The following SNTG1 variants were observed in gnomAD, a reference collection of about 807,000 sequenced individuals.
SNTG1 encodes the protein syntrophin gamma 1.
A neutral mutation model predicts 74.7 loss-of-function variants in SNTG1; 39 were observed. The ratio of observed to expected loss-of-function variants is 0.52; its 90% CI spans 0.40 to 0.68. SNTG1 has a LOEUF of 0.68. Among genes scored for constraint, SNTG1 ranks in the 30% least tolerant of loss-of-function variants. The pLI is 0.00. For synonymous variants in SNTG1, 254 were observed against 217.1 expected, an observed-to-expected ratio of 1.17 and a Z score of -1.49; for missense variants, 685 against 609.5, an observed-to-expected ratio of 1.12 and a Z score of -1.30.
At chr8:50,674,500 C>A (rs1437929097) in intron 15 of SNTG1, among the ~76,000 whole-genome samples, 1 of 151,898 alleles carries the variant, frequency 6.6e-6, no homozygotes, top group East Asian at 1.9e-4. Flanking sequence ...GTTTGTATTT[C>A]TCTGGGGTCA....
chr8:50,576,740 T>A (rs1330202092), intron 12 of SNTG1, among the ~76,000 whole-genome samples: 1 of 152,092 alleles, frequency 6.6e-6, no homozygotes, highest in East Asian at 1.9e-4. Context: ...AATAAAAATT[T>A]TAAGTTTTCT....
At chr8:50,118,304 G>T (rs188602687) in intron 1 of SNTG1, among the ~76,000 whole-genome samples, 322 of 148,026 alleles carry the variant, frequency 2.2e-3, no homozygotes, top group Non-Finnish European at 3.5e-3. Flanking sequence ...TCCCCTTCAG[G>T]TTTTAAAAAA....
chr8:50,680,875 G>A lies in SNTG1; in HGVS notation c.1038+22212G>A, dbSNP rs150677172. ...CCGCAGGTAAGCAGCCTTCCCATCT[G>A]CATTGGGAATCCATCCCAATGACTC... On this transcript the variant is annotated intron_variant, in intron 15 of 18. Transcript: ENST00000642720. 1.1e-4 allele frequency among the ~76,000 whole-genome samples: 17 copies of A among 152,186 alleles called. 1 individual carries two copies. The East Asian group carries it at 3.3e-3, about 30-fold the overall frequency.
At chr8:49,929,326 T>A (rs773443166) in intron 1 of SNTG1, among the ~76,000 whole-genome samples, 2 of 152,186 alleles carry the variant, frequency 1.3e-5, no homozygotes, top group Non-Finnish European at 2.9e-5. Context: ...CTGAATCTCT[T>A]CCTAAATATG....
chr8:50,628,440 T>A (rs2094972190), intron 13 of SNTG1, among the ~76,000 whole-genome samples: 2 of 152,192 alleles, frequency 1.3e-5, no homozygotes, highest in Admixed American at 1.3e-4. Context: ...TGTTCTGATC[T>A]TATTTAGGGT....
chr8:50,553,638 C>T (rs1229097345), intron 12 of SNTG1, among the ~76,000 whole-genome samples: 1 of 152,088 alleles, frequency 6.6e-6, no homozygotes, highest in African/African-American at 2.4e-5. Context: ...TAGATAGAGC[C>T]TGGTCTGTAT....
chr8:50,746,816 A>C (rs1020130105), intron 17 of SNTG1, among the ~76,000 whole-genome samples: 1 of 147,840 alleles, frequency 6.8e-6, no homozygotes, highest in African/African-American at 2.5e-5. Flanking sequence ...ATATTTGCAT[A>C]TACATATTGT....
intron 1 of SNTG1, among the ~76,000 whole-genome samples, chr8:50,095,199 T>C (rs1172810703): frequency 6.6e-6 from 1 of 151,466 alleles, no homozygotes; most frequent in Non-Finnish European, 1.5e-5. Flanking sequence ...AACTGCTTGT[T>C]GGGTACTATG....
intron 2 of SNTG1, among the ~76,000 whole-genome samples, chr8:50,389,988 T>G (rs988729856): frequency 6.6e-6 from 1 of 152,202 alleles, no homozygotes; most frequent in African/African-American, 2.4e-5. Context: ...TATTAGCCCT[T>G]TGTCAGATGA....
chr8:50,763,634 C>G (rs1033479849), intron 18 of SNTG1, among the ~76,000 whole-genome samples: 10 of 139,822 alleles, frequency 7.2e-5, no homozygotes, highest in African/African-American at 2.4e-4. Context: ...TCTTTTGGCT[C>G]AAGATTGCCT....
At chr8:50,721,552 C>T (rs2095487730) in intron 17 of SNTG1, among the ~76,000 whole-genome samples, 1 of 152,074 alleles carries the variant, frequency 6.6e-6, no homozygotes, top group Admixed American at 6.6e-5. Context: ...CTAAGTCTTT[C>T]CTCTATTTTA....
At chr8:50,288,600 T>C (rs2088916852) in intron 2 of SNTG1, among the ~76,000 whole-genome samples, 1 of 152,118 alleles carries the variant, frequency 6.6e-6, no homozygotes. Context: ...TTTTGACAAC[T>C]CAACTCTCTG....
intron 15 of SNTG1, among the ~76,000 whole-genome samples, chr8:50,672,394 G>T (rs1468225928): frequency 6.6e-6 from 1 of 151,982 alleles, no homozygotes; most frequent in Non-Finnish European, 1.5e-5. Context: ...GCATGAGATG[G>T]TATCTCATTG....
intron 8 of SNTG1, among the ~76,000 whole-genome samples, chr8:50,461,694 T>C (rs941025740): frequency 6.6e-6 from 1 of 151,254 alleles, no homozygotes; most frequent in Non-Finnish European, 1.5e-5. Context: ...TACTCTAATA[T>C]AGTAGGATTT....
chr8:50,669,189 G>A (rs954141329), intron 15 of SNTG1, among the ~76,000 whole-genome samples: 25 of 150,994 alleles, frequency 1.7e-4, no homozygotes, highest in Non-Finnish European at 4.4e-5. Context: ...ACTAAAATCA[G>A]AGCAGAACTG....
At chr8:50,303,676 T>C (rs2089752616) in intron 2 of SNTG1, among the ~76,000 whole-genome samples, 1 of 152,026 alleles carries the variant, frequency 6.6e-6, no homozygotes, top group Non-Finnish European at 1.5e-5. Context: ...TGGTCTTTTG[T>C]TTTTATTATT....
intron 17 of SNTG1, among the ~76,000 whole-genome samples, chr8:50,721,409 T>C (rs1379138489): frequency 6.6e-6 from 1 of 152,222 alleles, no homozygotes; most frequent in Non-Finnish European, 1.5e-5. Flanking sequence ...ATGAATAGCT[T>C]ATGGGAAACT....
At chr8:50,474,655 G>C (rs1206735328) in intron 8 of SNTG1, among the ~76,000 whole-genome samples, 2 of 152,126 alleles carry the variant, frequency 1.3e-5, no homozygotes, top group African/African-American at 4.8e-5. Context: ...CAAATGTTGT[G>C]GAAGTCGGTG....
At chr8:50,677,688 A>G (rs1011172727) in intron 15 of SNTG1, among the ~76,000 whole-genome samples, 9 of 152,052 alleles carry the variant, frequency 5.9e-5, no homozygotes, top group African/African-American at 2.2e-4. Flanking sequence ...AAGTAAAAAT[A>G]TAATTTTAAT....
Sources: allele counts gnomAD v4.1 joint callset (sites outside exome capture counted in the v4.1 genomes callset), GRCh38; gene constraint gnomAD v4.1.1; transcripts MANE v1.5; gene names NCBI Gene and HGNC (gene_info 2026-07-23, HGNC 2026-07-21).